The following ACAN variants were observed in gnomAD, a reference collection of about 807,000 sequenced individuals.
ACAN encodes aggrecan core protein.
A neutral mutation model predicts 169.1 loss-of-function variants in ACAN; 47 were observed. The ratio of observed to expected loss-of-function variants is 0.28; its 90% CI spans 0.22 to 0.35. The LOEUF (loss-of-function observed/expected upper bound fraction) is 0.35, where lower values mean the gene tolerates loss of function less well. Among genes scored for constraint, ACAN ranks in the 10% least tolerant of loss-of-function variants. The pLI is 1.00. For synonymous variants in ACAN, 1,115 were observed against 1,112.2 expected, an observed-to-expected ratio of 1.00 and a Z score of -0.05; for missense variants, 2,716 against 2,759.9, an observed-to-expected ratio of 0.98 and a Z score of 0.36.
intron 5 of ACAN, among the ~76,000 whole-genome samples, chr15:88,842,172 T>A (rs542251644): frequency 2.6e-5 from 4 of 152,326 alleles, no homozygotes; most frequent in Non-Finnish European, 4.4e-5. Flanking sequence ...AGACCCTGGC[T>A]GCTGTGACAA....
At chr15:88,850,700 G>A (rs957868826) in intron 10 of ACAN, 1 of 152,156 alleles carries the variant, frequency 6.6e-6, no homozygotes, top group African/African-American at 2.4e-5. Flanking sequence ...AGCACTTTGG[G>A]AGGCCAAGGC....
At position 88,863,337 on chromosome 15, in the gene ACAN, A is replaced by G. The variant is rs1389048205; in HGVS notation, c.6946+2898A>G. ...CCAAGGGAATTAGGCTTCAGACTCT[A>G]AGGTTTCTATCCTGGCTGCAGCTTA... is the stretch of plus-strand genomic sequence containing the variant. On this transcript the variant is annotated intron_variant, in intron 13 of 18. Coordinates refer to ENST00000560601, the MANE Select transcript of ACAN (RefSeq NM_001369268.1). Among the ~76,000 whole-genome samples the G allele has an allele frequency of 2.0e-5, 3 of 152,176 alleles. No homozygotes were observed. The East Asian group carries it at 5.8e-4, about 29-fold the overall frequency.
chr15:88,825,059 C>T (rs1389743114), intron 1 of ACAN, among the ~76,000 whole-genome samples: 13 of 152,178 alleles, frequency 8.5e-5, no homozygotes, highest in African/African-American at 3.1e-4. Context: ...AGCACAAAAC[C>T]CTTAGGACAA....
At chr15:88,834,693 C>T (rs1334763070) in intron 1 of ACAN, among the ~76,000 whole-genome samples, 2 of 152,250 alleles carry the variant, frequency 1.3e-5, no homozygotes, top group African/African-American at 4.8e-5. Context: ...GTCCATCCAA[C>T]AGAACAACTC....
intron 1 of ACAN, among the ~76,000 whole-genome samples, chr15:88,835,041 T>C (rs1284920310): frequency 1.3e-5 from 2 of 152,338 alleles, no homozygotes; most frequent in East Asian, 3.9e-4. Context: ...AAGGAAGGTT[T>C]GTCTTTCTAA....
chr15:88,835,820 G>A (rs1263675633), intron 1 of ACAN, among the ~76,000 whole-genome samples: 1 of 152,110 alleles, frequency 6.6e-6, no homozygotes, highest in African/African-American at 2.4e-5. Context: ...CAATTCCAAT[G>A]TCAATCTCAT....
In ACAN at chr15:88,870,382, C is replaced by T. The variant is rs1252281931; in HGVS notation, c.7061-1000C>T. 2.0e-5 allele frequency among the ~76,000 whole-genome samples: 3 copies of T among 152,214 alleles called. No homozygotes were observed. The highest frequency in any genetic ancestry group is 2.9e-5 in the Non-Finnish European group (2 of 68,032). ...CCAGGGGAAGAAGGAAGAAGGGGGG[C>T]CTTGGAATTCACTCTGTCCCACACT... On this transcript the variant is annotated intron_variant, in intron 14 of 18. Transcript: ENST00000560601. The surrounding 1 kb of genome is among the most constrained non-coding windows in gnomAD (Gnocchi z 6.3).
rs906619834 is a variant in ACAN at position 88,869,911 on chromosome 15, T to G, written c.7061-1471T>G. Among the ~76,000 whole-genome samples, 4 of 151,966 alleles carry G rather than the reference T, an allele frequency of 2.6e-5. No homozygotes were observed. Among genetic ancestry groups the G allele is most frequent in the Non-Finnish European group, 5.9e-5 (4 of 67,984 alleles). ...ACAGCCCTGCCCTCCCATACCCACC[T>G]CCCAGAGAAGTTGCACCCTCCAGCT... is the stretch of plus-strand genomic sequence containing the variant. On this transcript the variant is annotated intron_variant, in intron 14 of 18. Coordinates refer to ENST00000560601, the MANE Select transcript of ACAN (RefSeq NM_001369268.1). The surrounding 1 kb of genome is among the most constrained non-coding windows in gnomAD (Gnocchi z 4.2).
intron 2 of ACAN, among the ~76,000 whole-genome samples, chr15:88,836,545 A>G (rs1896508456): frequency 6.6e-6 from 1 of 152,232 alleles, no homozygotes; most frequent in Non-Finnish European, 1.5e-5. Context: ...AGCTCCCGGC[A>G]GGTGCCCTCC....
At chr15:88,825,557 G>A (rs1896193425) in intron 1 of ACAN, among the ~76,000 whole-genome samples, 1 of 152,184 alleles carries the variant, frequency 6.6e-6, no homozygotes. Context: ...AGAGGCTTGA[G>A]AAGAGGCTAT....
rs559717341 is a variant in ACAN at position 88,873,239 on chromosome 15, C to T, written c.7447+214C>T. 1.3e-5 allele frequency among the ~76,000 whole-genome samples: 2 copies of T among 152,142 alleles called. No individual in the cohort carries two copies. Among genetic ancestry groups the T allele is most frequent in the Admixed American group, 1.3e-4 (2 of 15,276 alleles). ...CAAGGGCAAGCTCGCTGCCAGGGACCGTTTGCAGGGACAGCAAGCACATGA... is the reference window on the plus strand; with the variant it reads ...CAAGGGCAAGCTCGCTGCCAGGGACTGTTTGCAGGGACAGCAAGCACATGA... On this transcript the variant is annotated intron_variant, in intron 17 of 18. Transcript: ENST00000560601. The surrounding 1 kb of genome is among the most constrained non-coding windows in gnomAD (Gnocchi z 7.5).
intron 1 of ACAN, among the ~76,000 whole-genome samples, chr15:88,825,941 C>T (rs1457748243): frequency 1.3e-5 from 2 of 152,184 alleles, no homozygotes; most frequent in African/African-American, 2.4e-5. Context: ...AGGTTGGCCT[C>T]GGACTGGCAG....
At chr15:88,835,735 C>G (rs1896486229) in intron 1 of ACAN, among the ~76,000 whole-genome samples, 1 of 152,220 alleles carries the variant, frequency 6.6e-6, no homozygotes, top group Admixed American at 6.5e-5. Context: ...TCAGTCTTTT[C>G]TCTCTATTCA....
intron 1 of ACAN, among the ~76,000 whole-genome samples, chr15:88,820,797 A>G (rs1280577585): frequency 6.6e-6 from 1 of 152,074 alleles, no homozygotes; most frequent in African/African-American, 2.4e-5. Context: ...GTCTTTCTCC[A>G]TTGCCCAGGC....
intron 1 of ACAN, among the ~76,000 whole-genome samples, chr15:88,817,164 C>G (rs747954302): frequency 4.6e-5 from 7 of 152,098 alleles, no homozygotes; most frequent in Admixed American, 3.3e-4. Flanking sequence ...GTCTTTGAGA[C>G]AGAGCCTTGA....
In ACAN at chr15:88,872,167, C is replaced by A. The variant is rs1897396727; in HGVS notation, c.7302+82C>A. 8.3e-7 allele frequency: 1 copy of A among 1,209,708 alleles called. No individual in the cohort carries two copies. Among genetic ancestry groups the A allele is most frequent in the South Asian group, 1.2e-5 (1 of 80,890 alleles). 74.9% of individuals were successfully genotyped at this position (1,209,708 alleles called of 1,614,324 possible). On this transcript the variant is annotated intron_variant, in intron 16 of 18. Coordinates refer to ENST00000560601, the MANE Select transcript of ACAN (RefSeq NM_001369268.1). This position sits in a 1 kb window ranked among gnomAD's most constrained non-coding sequence, Gnocchi z 5.4. Reference sequence around the variant, plus strand: ...CCCCTGGAGAGAGATGCATTCAAACCCCATGCAGACAGCCGCTTACCAGCT... The same window carrying A: ...CCCCTGGAGAGAGATGCATTCAAACACCATGCAGACAGCCGCTTACCAGCT...
intron 1 of ACAN, among the ~76,000 whole-genome samples, chr15:88,804,510 C>G (rs1365487288): frequency 2.0e-5 from 3 of 152,092 alleles, no homozygotes; most frequent in Non-Finnish European, 4.4e-5. Context: ...GGGCATTTCT[C>G]AAGGAAGAAA....
chr15:88,813,355 T>C (rs1895866710), intron 1 of ACAN, among the ~76,000 whole-genome samples: 1 of 152,244 alleles, frequency 6.6e-6, no homozygotes, highest in Non-Finnish European at 1.5e-5. Context: ...TGCACTCTGC[T>C]CTTGTCATAT....
Position 88,871,594 on chromosome 15 carries a change from G to C in ACAN, c.7219+54G>C, listed in dbSNP as rs1897381993. ...AGAGGAGAGTGGCGGTGTAGGCAAA[G>C]GGCCTCACCTTTCAGAAGGCAGCAG... On this transcript the variant is annotated intron_variant, in intron 15 of 18. Transcript: ENST00000560601. The surrounding 1 kb of genome is among the most constrained non-coding windows in gnomAD (Gnocchi z 7.8). The C allele has an allele frequency of 6.4e-7, 1 of 1,552,106 alleles. No individual in the cohort carries two copies. The highest frequency in any genetic ancestry group is 2.3e-5 in the East Asian group (1 of 42,860).
Sources: allele counts gnomAD v4.1 joint callset (sites outside exome capture counted in the v4.1 genomes callset), GRCh38; gene constraint gnomAD v4.1.1; non-coding constraint Gnocchi (gnomAD v3.1); transcripts MANE v1.5; gene names NCBI Gene and HGNC (gene_info 2026-07-23, HGNC 2026-07-21).